The following HECW2 variants were observed in gnomAD, a reference collection of about 807,000 sequenced individuals.
HECW2 encodes the protein HECT, C2 and WW domain containing E3 ubiquitin protein ligase 2, also known as E3 ubiquitin-protein ligase HECW2.
In HECW2, 61 loss-of-function variants were observed where a neutral mutation model predicts 175.2. That is an observed-to-expected ratio of 0.35 (90% CI 0.28 to 0.43). The LOEUF (loss-of-function observed/expected upper bound fraction) is 0.43, where lower values mean the gene tolerates loss of function less well. HECW2 is among the 20% of genes least tolerant of loss of function. HECW2 has a pLI of 1.00. For synonymous variants in HECW2, 671 were observed against 731.0 expected (o/e 0.92, Z 1.32); for missense variants, 1,524 against 2,000.5 (o/e 0.76, Z 4.54).
At chr2:196,491,797 A>T (rs949872200) in intron 1 of HECW2, among the ~76,000 whole-genome samples, 3 of 152,008 alleles carry the variant, frequency 2.0e-5, no homozygotes, top group African/African-American at 7.2e-5. Flanking sequence ...TCTCAAATCT[A>T]ATCTCTTCCG....
intron 28 of HECW2, among the ~76,000 whole-genome samples, chr2:196,215,506 A>G (rs1251382987): frequency 6.6e-6 from 1 of 152,182 alleles, no homozygotes; most frequent in Non-Finnish European, 1.5e-5. Context: ...TACAACGGTA[A>G]TTTTTACTGA....
At chr2:196,452,610 T>C (rs746108160) in intron 1 of HECW2, among the ~76,000 whole-genome samples, 1 of 152,150 alleles carries the variant, frequency 6.6e-6, no homozygotes. Flanking sequence ...GCAAAGCCAC[T>C]TTGGAAGGGT....
chr2:196,201,449 GGTGTGTGTGT>G, intron 28 of HECW2, 61 bp from the exon 29 acceptor site: 1 of 1,001,020 alleles, frequency 1.0e-6, no homozygotes, highest in Non-Finnish European at 1.6e-6. Flanking sequence ...AAATGTGTGT[GGTGTGTGTGT>G]GTGTGTGTGT....
intron 2 of HECW2, among the ~76,000 whole-genome samples, chr2:196,419,396 TAC>T: frequency 6.6e-6 from 1 of 152,278 alleles, no homozygotes; most frequent in East Asian, 1.9e-4. Context: ...CATGTGCACA[TAC>T]AATTTCCACC....
intron 1 of HECW2, among the ~76,000 whole-genome samples, chr2:196,541,433 A>C (rs1402225335): frequency 6.6e-6 from 1 of 152,188 alleles, no homozygotes; most frequent in East Asian, 1.9e-4. Flanking sequence ...TGTCAAATTC[A>C]GAATGGCTAG....
At chr2:196,467,854 G>T (rs2125341372) in intron 1 of HECW2, among the ~76,000 whole-genome samples, 1 of 152,266 alleles carries the variant, frequency 6.6e-6, no homozygotes, top group Admixed American at 6.5e-5. Flanking sequence ...TATTCCCTAA[G>T]TGTCCATGTT....
chr2:196,524,623 A>C (rs1265088234), intron 1 of HECW2, among the ~76,000 whole-genome samples: 1 of 100,536 alleles, frequency 9.9e-6, no homozygotes, highest in African/African-American at 7.2e-5. Flanking sequence ...TAGTGCTATA[A>C]ATTTCCCTCT....
chr2:196,309,923 C>T (rs936765507), intron 10 of HECW2, among the ~76,000 whole-genome samples: 1 of 152,042 alleles, frequency 6.6e-6, no homozygotes, highest in African/African-American at 2.4e-5. Flanking sequence ...CATTTTCTGA[C>T]AAAAACAGTG....
chr2:196,324,921 GA>G, intron 6 of HECW2, 58 bp downstream of exon 6: 1 of 1,387,752 alleles, frequency 7.2e-7, no homozygotes, highest in South Asian at 1.4e-5. Flanking sequence ...CTCAAGGAAA[GA>G]GAGAGACTGG....
chr2:196,498,374 C>T (rs1480230210), intron 1 of HECW2, among the ~76,000 whole-genome samples: 1 of 151,998 alleles, frequency 6.6e-6, no homozygotes, highest in East Asian at 1.9e-4. Context: ...CCTAAAGGTC[C>T]CTTTTTTATT....
At chr2:196,563,194 T>C (rs1407304559) in intron 1 of HECW2, among the ~76,000 whole-genome samples, 1 of 152,176 alleles carries the variant, frequency 6.6e-6, no homozygotes, top group Admixed American at 6.5e-5. Flanking sequence ...AGAAAATTAG[T>C]TTGTGTAAAA....
chr2:196,521,970 T>C (rs1364305793), intron 1 of HECW2, among the ~76,000 whole-genome samples: 1 of 152,124 alleles, frequency 6.6e-6, no homozygotes, highest in Admixed American at 6.5e-5. Flanking sequence ...TATAGCAGCA[T>C]GATTTATAGT....
chr2:196,515,296 G>A (rs968307606), intron 1 of HECW2, among the ~76,000 whole-genome samples: 3 of 152,384 alleles, frequency 2.0e-5, no homozygotes, highest in Non-Finnish European at 4.4e-5. Flanking sequence ...CTTGGCAGGT[G>A]TGAGACCCAG....
intron 14 of HECW2, among the ~76,000 whole-genome samples, chr2:196,282,021 T>C (rs1690207691): frequency 2.0e-5 from 3 of 152,214 alleles, no homozygotes; most frequent in Admixed American, 1.3e-4. Flanking sequence ...ACGTCAAATA[T>C]GAGGTCCTAT....
chr2:196,515,961 TA>T (rs147600205), intron 1 of HECW2, among the ~76,000 whole-genome samples: 20,221 of 124,302 alleles, frequency 0.16, 1,453 homozygotes, highest in Middle Eastern at 0.29. Context: ...ACCTCTCTAC[TA>T]AAAAAAAAAG....
At chr2:196,400,685 A>T (rs1411073277) in intron 2 of HECW2, among the ~76,000 whole-genome samples, 1 of 152,104 alleles carries the variant, frequency 6.6e-6, no homozygotes, top group Non-Finnish European at 1.5e-5. Context: ...ACCTTACTAA[A>T]CATCATCTTG....
At chr2:196,340,149 T>G (rs1692694015) in intron 3 of HECW2, among the ~76,000 whole-genome samples, 1 of 152,172 alleles carries the variant, frequency 6.6e-6, no homozygotes, top group Admixed American at 6.5e-5. Context: ...TTTAAATACT[T>G]TGCATTTTCA....
At chr2:196,511,307 G>A (rs1687945737) in intron 1 of HECW2, among the ~76,000 whole-genome samples, 1 of 152,190 alleles carries the variant, frequency 6.6e-6, no homozygotes, top group African/African-American at 2.4e-5. Flanking sequence ...ATTAAATGAT[G>A]TTATCAAAAC....
At chr2:196,545,530 T>C (rs1689388070) in intron 1 of HECW2, among the ~76,000 whole-genome samples, 1 of 152,182 alleles carries the variant, frequency 6.6e-6, no homozygotes, top group South Asian at 2.1e-4. Flanking sequence ...GAGTTTGTAA[T>C]ATGATTTGAA....
Sources: allele counts gnomAD v4.1 joint callset (sites outside exome capture counted in the v4.1 genomes callset), GRCh38; gene constraint gnomAD v4.1.1; transcripts MANE v1.5; gene names NCBI Gene and HGNC (gene_info 2026-07-23, HGNC 2026-07-21).